The following RAI1 variants were observed in gnomAD, a reference collection of about 807,000 sequenced individuals.
RAI1 encodes retinoic acid induced 1.
A neutral mutation model predicts 123.8 loss-of-function variants in RAI1; 9 were observed. That is an observed-to-expected ratio of 0.07 (90% confidence interval 0.04 to 0.13). The LOEUF (loss-of-function observed/expected upper bound fraction) is 0.13, where lower values mean the gene tolerates loss of function less well. RAI1 is among the 10% of genes least tolerant of loss of function. The probability of loss-of-function intolerance (pLI) is 1.00; values close to 1 mark genes in which losing one functional copy is unlikely to be tolerated. For synonymous variants in RAI1, 1,231 were observed against 1,127.3 expected, an observed-to-expected ratio of 1.09 and a Z score of -1.84; for missense variants, 2,256 against 2,545.8, an observed-to-expected ratio of 0.89 and a Z score of 2.45.
At chr17:17,718,224 C>T (rs920274497) in intron 1 of RAI1, among the ~76,000 whole-genome samples, 5 of 152,040 alleles carry the variant, frequency 3.3e-5, no homozygotes, top group Non-Finnish European at 7.4e-5. Context: ...GGTGGGTGGG[C>T]CAGATTAGCC....
At chr17:17,768,386 C>T (rs1204189239) in intron 2 of RAI1, among the ~76,000 whole-genome samples, 1 of 152,200 alleles carries the variant, frequency 6.6e-6, no homozygotes, top group Non-Finnish European at 1.5e-5. Context: ...ATTCTGAGGC[C>T]ACTCTTAACA....
Position 17,810,169 on chromosome 17 carries a change from G to C in RAI1, c.*188G>C. ...GGCTCAGACTTGCGGCCCCGGGTTGGGAGGAAAACCCGTTCCGGAGCCGCC... is the reference window on the plus strand; with the variant it reads ...GGCTCAGACTTGCGGCCCCGGGTTGCGAGGAAAACCCGTTCCGGAGCCGCC... On this transcript the variant is annotated 3_prime_UTR_variant, in exon 6 of 6. Transcript: ENST00000353383. The surrounding 1 kb of genome is among the most constrained non-coding windows in gnomAD (Gnocchi z 4.6). 2.4e-6 allele frequency: 2 copies of C among 850,110 alleles called. No homozygotes were observed. Among genetic ancestry groups the C allele is most frequent in the South Asian group, 3.7e-5 (2 of 53,460 alleles). The allele number at this position is 850,110 out of a possible 1,614,324, so 52.7% of individuals were successfully genotyped here.
At position 17,811,235 on chromosome 17, in the gene RAI1, G is replaced by A. The variant is rs967583551; in HGVS notation, c.*1254G>A. ...ATTATATCTGGCCTCGTTATATAGT[G>A]TATATATATGTATACATATACATAT... On this transcript the variant is annotated 3_prime_UTR_variant, in exon 6 of 6. Transcript: ENST00000353383. 3.0e-6 allele frequency: 1 copy of A among 336,768 alleles called. No individual in the cohort carries two copies. Among genetic ancestry groups the A allele is most frequent in the Non-Finnish European group, 5.8e-6 (1 of 173,284 alleles). The allele number at this position is 336,768 out of a possible 1,614,324, so 20.9% of individuals were successfully genotyped here.
chr17:17,794,835 A>G lies in RAI1; in HGVS notation c.1887A>G (p.Ala629=). The G allele has an allele frequency of 1.2e-6, 2 of 1,613,112 alleles. No homozygotes were observed. Among genetic ancestry groups the G allele is most frequent in the Non-Finnish European group, 1.7e-6 (2 of 1,179,986 alleles). ...GEKADKAWAE[A]PSLVKDSSKP... ...AGGCCGACAAAGCTTGGGCTGAAGC[A>G]CCCAGCCTGGTCAAGGACAGCAGCA... Residue 629 remains alanine (A), a synonymous_variant, in exon 3 of 6, where the codon GCA becomes GCG. Transcript: ENST00000353383.
At chr17:17,747,627 A>G (rs2029978365) in intron 2 of RAI1, among the ~76,000 whole-genome samples, 1 of 152,182 alleles carries the variant, frequency 6.6e-6, no homozygotes, top group Non-Finnish European at 1.5e-5. Context: ...GCAGGGGCCT[A>G]GAGTATGGGG....
rs766830423 is a variant in RAI1, at chr17:17,796,965, C to G, written c.4017C>G (p.Pro1339=). The G allele has an allele frequency of 4.3e-6, 7 of 1,613,682 alleles. No individual in the cohort carries two copies. The highest frequency in any genetic ancestry group is 5.1e-6 in the Non-Finnish European group (6 of 1,180,046). Residue 1339 remains proline, a synonymous_variant, in exon 3 of 6, where the codon CCC becomes CCG. Transcript: ENST00000353383. This position sits in a 1 kb window ranked among gnomAD's most constrained non-coding sequence, Gnocchi z 5.8. ...CCATCGTGCAGAAGATCACCTCGCC[C>G]AGCCTCAAGAAGTTCGCATGTAAAG... ...LEAIVQKITS[P]SLKKFACKAP...
chr17:17,791,688 G>A (rs1023811315), intron 2 of RAI1, among the ~76,000 whole-genome samples: 8 of 152,208 alleles, frequency 5.3e-5, no homozygotes, highest in Admixed American at 5.2e-4. Flanking sequence ...CTGGGACTCG[G>A]CCAATGGCCA....
intron 2 of RAI1, among the ~76,000 whole-genome samples, chr17:17,791,308 A>C (rs977742032): frequency 6.6e-6 from 1 of 152,146 alleles, no homozygotes; most frequent in East Asian, 1.9e-4. Context: ...CCTTCCCTGC[A>C]TCCATCCCCA....
At chr17:17,760,185 C>A (rs991186575) in intron 2 of RAI1, among the ~76,000 whole-genome samples, 4 of 152,162 alleles carry the variant, frequency 2.6e-5, no homozygotes, top group African/African-American at 9.7e-5. Flanking sequence ...TGGCTGTGTG[C>A]TCGAGCAGTG....
Position 17,810,036 on chromosome 17 carries a change from CGAA to C in RAI1, c.*57_*59del. On this transcript the variant is annotated 3_prime_UTR_variant, in exon 6 of 6. Coordinates refer to ENST00000353383, the MANE Select transcript of RAI1 (RefSeq NM_030665.4). The surrounding 1 kb of genome is among the most constrained non-coding windows in gnomAD (Gnocchi z 4.6). ...CGGAGCCCGCCTGCCCGCCCGCCGC[CGAA>C]GGAGAGGAGCCGCCTGCGCAGCCCC... 6.5e-7 allele frequency: 1 copy of C among 1,542,302 alleles called. No homozygotes were observed. Among genetic ancestry groups the C allele is most frequent in the South Asian group, 1.2e-5 (1 of 83,630 alleles).
At chr17:17,778,769 A>G (rs2031447436) in intron 2 of RAI1, 2 of 456,644 alleles carry the variant, frequency 4.4e-6, no homozygotes, top group South Asian at 1.5e-5. Flanking sequence ...TTCTCCTACA[A>G]CTTTCCAGAA....
Position 17,794,066 on chromosome 17 carries a change from G to A in RAI1, c.1118G>A (p.Ser373Asn), listed in dbSNP as rs2032134858. 6.2e-7 allele frequency: 1 copy of A among 1,613,986 alleles called. No homozygotes were observed. Among genetic ancestry groups the A allele is most frequent in the Non-Finnish European group, 8.5e-7 (1 of 1,180,022 alleles). ...LMPNLENFPY[S>N]QQPLSTGAFP... The stretch of plus-strand genomic sequence containing the variant: ...CCAAACCTGGAGAACTTTCCCTACA[G>A]CCAGCAGCCGCTCAGCACCGGGGCC... The change falls in exon 3 of 6, where the codon AGC becomes AAC. Residue 373 changes from serine to asparagine, a missense_variant. Physicochemically the swap from Ser to Asn is conservative, Grantham distance 46. Coordinates refer to ENST00000353383, the MANE Select transcript of RAI1 (RefSeq NM_030665.4).
chr17:17,706,213 C>T (rs947370930), intron 1 of RAI1, among the ~76,000 whole-genome samples: 2 of 151,702 alleles, frequency 1.3e-5, no homozygotes, highest in East Asian at 1.9e-4. Flanking sequence ...AGAGCTGGGG[C>T]GAGGGAAGGA....
At chr17:17,781,227 T>C (rs2031569305) in intron 2 of RAI1, among the ~76,000 whole-genome samples, 1 of 152,182 alleles carries the variant, frequency 6.6e-6, no homozygotes, top group African/African-American at 2.4e-5. Context: ...AGCCCACCAC[T>C]TCCTCCAACC....
intron 2 of RAI1, among the ~76,000 whole-genome samples, chr17:17,754,164 C>T (rs11651383): frequency 0.083 from 11,491 of 138,930 alleles, 858 homozygotes; most frequent in African/African-American, 0.18. Context: ...TGTACAAAGG[C>T]ATTTTATGCC....
chr17:17,797,690 C>T lies in RAI1; in HGVS notation c.4742C>T (p.Ser1581Phe). 1.9e-6 allele frequency: 3 copies of T among 1,613,632 alleles called. No homozygotes were observed. Among genetic ancestry groups the T allele is most frequent in the Non-Finnish European group, 2.5e-6 (3 of 1,179,768 alleles). Residue 1581 changes from serine to phenylalanine, a missense_variant, in exon 3 of 6, where the codon TCC becomes TTC. Around this residue, in one of 7 missense-constraint regions of RAI1, gnomAD observed 410 missense variants for 374.6 expected, o/e 1.09. Transcript: ENST00000353383. ...CCTGAAATCCGCCTCAAGTACATTTCCTCTTGCAAGCGGCTGAGGTCAGAC... is the reference window on the plus strand; with the variant it reads ...CCTGAAATCCGCCTCAAGTACATTTTCTCTTGCAAGCGGCTGAGGTCAGAC... ...AEPEIRLKYISSCKRLRSDSR... is the reference protein window; with the variant it reads ...AEPEIRLKYIFSCKRLRSDSR...
intron 2 of RAI1, among the ~76,000 whole-genome samples, chr17:17,738,076 G>T (rs901716393): frequency 3.3e-5 from 5 of 152,064 alleles, no homozygotes; most frequent in Non-Finnish European, 7.4e-5. Flanking sequence ...GGTCAAGGAG[G>T]CAGGGTCAAG....
At chr17:17,777,010 T>C (rs2031370555) in intron 2 of RAI1, 1 of 152,190 alleles carries the variant, frequency 6.6e-6, no homozygotes, top group African/African-American at 2.4e-5. Context: ...ACTTGAAGAC[T>C]GCTCCAATTA....
At chr17:17,724,738 C>T (rs951878492) in intron 2 of RAI1, among the ~76,000 whole-genome samples, 19 of 152,144 alleles carry the variant, frequency 1.2e-4, no homozygotes, top group African/African-American at 4.6e-4. Flanking sequence ...CTGACGCCTC[C>T]AGGCGCTTCC....
Sources: gnomAD v4.1 joint callset for allele counts (sites outside exome capture counted in the v4.1 genomes callset) on GRCh38, gnomAD v4.1.1 for gene constraint, gnomAD v4.1.1 regional missense constraint, Gnocchi (gnomAD v3.1) non-coding constraint, MANE v1.5 for transcripts, NCBI Gene and HGNC (gene_info 2026-07-23, HGNC 2026-07-21) for gene names.